SPRED1: variants seen among roughly 807,000 people sequenced by gnomAD.
SPRED1 encodes sprouty-related, EVH1 domain-containing protein 1.
A neutral mutation model predicts 52.3 loss-of-function variants in SPRED1; 18 were observed. That is an observed-to-expected ratio of 0.34 (90% CI 0.24 to 0.51). The LOEUF is 0.51. SPRED1 is among the 20% of genes least tolerant of loss of function. The pLI is 0.97. For synonymous variants in SPRED1, 155 were observed against 179.7 expected (o/e 0.86, Z 1.10); for missense variants, 485 against 551.0 (o/e 0.88, Z 1.20).
chr15:38,318,261 A>G (rs1895529683), intron 2 of SPRED1, among the ~76,000 whole-genome samples: 1 of 152,136 alleles, frequency 6.6e-6, no homozygotes, highest in Admixed American at 6.6e-5. Flanking sequence ...AGATAGACGT[A>G]AACAAGTTGA....
intron 4 of SPRED1, among the ~76,000 whole-genome samples, chr15:38,337,131 G>C (rs542549529): frequency 6.6e-6 from 1 of 152,088 alleles, no homozygotes; most frequent in African/African-American, 2.4e-5. Flanking sequence ...TTTCCAGAAA[G>C]AGTTGTTCCA....
chr15:38,343,513 CAG>C (rs1896069728), intron 5 of SPRED1, among the ~76,000 whole-genome samples: 1 of 152,088 alleles, frequency 6.6e-6, no homozygotes, highest in Admixed American at 6.6e-5. Context: ...GCTATTGAGA[CAG>C]AAAGTTAACG....
chr15:38,312,665 C>T (rs1042759448), intron 2 of SPRED1, among the ~76,000 whole-genome samples: 5 of 152,010 alleles, frequency 3.3e-5, no homozygotes, highest in African/African-American at 9.7e-5. Flanking sequence ...CATTCACTTT[C>T]GTTAATAGTT....
chr15:38,282,303 C>T (rs1595723569), intron 1 of SPRED1, among the ~76,000 whole-genome samples: 1 of 143,730 alleles, frequency 7.0e-6, no homozygotes, highest in Admixed American at 7.2e-5. Flanking sequence ...CCTGAAACCC[C>T]ATCTCTACTA....
At position 38,252,974 on chromosome 15, in the gene SPRED1, C is replaced by T. The variant is rs1894010534; in HGVS notation, c.-212C>T. On this transcript the variant is annotated 5_prime_UTR_variant, in exon 1 of 7. Coordinates refer to ENST00000299084, the MANE Select transcript of SPRED1 (RefSeq NM_152594.3). ...GGGGAAGAGGCTGGGGTCGCCACGG[C>T]GGAGGTTGCTGCCGCCACCCCCCTG... The T allele has an allele frequency of 5.0e-6, 3 of 602,294 alleles. No individual in the cohort carries two copies. The highest frequency in any genetic ancestry group is 8.8e-6 in the Non-Finnish European group (3 of 339,684). 37.3% of individuals were successfully genotyped at this position (602,294 alleles called of 1,614,324 possible). A position where few individuals can be genotyped will look rare whatever the true frequency, so the allele number is the denominator to read the frequency against.
intron 1 of SPRED1, 93 bp downstream of exon 1, chr15:38,253,310 G>C: frequency 2.3e-6 from 3 of 1,282,504 alleles, no homozygotes; most frequent in East Asian, 2.5e-5. Context: ...GTGCCGGAAA[G>C]CTTGCGACCC....
intron 1 of SPRED1, among the ~76,000 whole-genome samples, chr15:38,267,455 ATTC>A (rs1894333287): frequency 6.6e-6 from 1 of 152,196 alleles, no homozygotes; most frequent in Non-Finnish European, 1.5e-5. Flanking sequence ...GTTTTTTAAA[ATTC>A]TTAATATGAA....
In SPRED1 at chr15:38,351,095, C is replaced by T. The variant is rs1331443136; in HGVS notation, c.766C>T (p.Arg256Cys). The T allele has an allele frequency of 3.1e-6, 5 of 1,613,920 alleles. No homozygotes were observed. The highest frequency in any genetic ancestry group is 1.1e-5 in the South Asian group (1 of 91,074). Residue 256 changes from arginine (R) to cysteine (C), a missense_variant, in exon 7 of 7, where the codon CGT becomes TGT. Physicochemically the swap from Arg to Cys is radical, Grantham distance 180. Transcript: ENST00000299084. ...VRINPRDILI[R>C]RYADYRHPDM... The stretch of plus-strand genomic sequence containing the variant: ...AATAAACCCTCGAGATATCTTAATA[C>T]GTCGCTATGCAGACTACAGACATCC...
intron 1 of SPRED1, among the ~76,000 whole-genome samples, chr15:38,258,515 T>C (rs1894145660): frequency 6.6e-6 from 1 of 151,886 alleles, no homozygotes; most frequent in Admixed American, 6.6e-5. Context: ...ACTTTTCCCT[T>C]GAGATAGTCT....
rs147547509 is a variant in SPRED1 at position 38,352,241 on chromosome 15, G to GATATATATATAT, written c.*584_*595dup. 14 of 148,580 alleles carry GATATATATATAT rather than the reference G, an allele frequency of 9.4e-5. No individual in the cohort carries two copies. The highest frequency in any genetic ancestry group is 8.1e-4 in the Admixed American group (12 of 14,896). 9.2% of individuals were successfully genotyped at this position (148,580 alleles called of 1,614,324 possible). A position where few individuals can be genotyped will look rare whatever the true frequency, so the allele number is the denominator to read the frequency against. On this transcript the variant is annotated 3_prime_UTR_variant, in exon 7 of 7. Transcript: ENST00000299084. ...TCTTCCCCTTCCTAGTTCTGAAGTA[G>GATATATATATAT]ATATATATATATATATATCTACTGT...
chr15:38,268,985 G>A (rs1309596091), intron 1 of SPRED1, among the ~76,000 whole-genome samples: 2 of 150,162 alleles, frequency 1.3e-5, no homozygotes, highest in Non-Finnish European at 3.0e-5. Flanking sequence ...CCGTCGCCTA[G>A]GCTGGAGTGC....
rs1021410087 is a variant in SPRED1, at chr15:38,253,181, G to A, written c.-5G>A. The A allele has an allele frequency of 3.8e-6, 6 of 1,579,068 alleles. No individual in the cohort carries two copies. In the African/African-American group the frequency reaches 6.7e-5, roughly 18 times the overall value. Reference sequence around the variant, plus strand: ...ATCTCCAGATCGGATCACGGTGAGGGAAAGATGAGCGAGGAGACGGCGACT... The same window carrying A: ...ATCTCCAGATCGGATCACGGTGAGGAAAAGATGAGCGAGGAGACGGCGACT... On this transcript the variant is annotated 5_prime_UTR_variant, in exon 1 of 7. Transcript: ENST00000299084.
chr15:38,282,933 T>A (rs904001175), intron 1 of SPRED1, among the ~76,000 whole-genome samples: 4 of 152,098 alleles, frequency 2.6e-5, no homozygotes, highest in Non-Finnish European at 5.9e-5. Flanking sequence ...TAGTATTGCT[T>A]ATAGTTAAAA....
chr15:38,316,470 G>A (rs1261991251), intron 2 of SPRED1, among the ~76,000 whole-genome samples: 1 of 151,916 alleles, frequency 6.6e-6, no homozygotes, highest in Non-Finnish European at 1.5e-5. Flanking sequence ...AAAGAATTTA[G>A]ACTTGTATGT....
chr15:38,274,483 CTT>C (rs1272519771), intron 1 of SPRED1, among the ~76,000 whole-genome samples: 3 of 152,212 alleles, frequency 2.0e-5, no homozygotes, highest in Non-Finnish European at 4.4e-5. Context: ...TTTATTCTCA[CTT>C]TGAAATAATT....
intron 4 of SPRED1, among the ~76,000 whole-genome samples, chr15:38,328,251 A>T (rs1377788005): frequency 6.6e-6 from 1 of 152,236 alleles, no homozygotes; most frequent in East Asian, 1.9e-4. Flanking sequence ...AAAAGTAATG[A>T]TAATGTTATA....
chr15:38,334,823 A>ATG (rs899258997), intron 4 of SPRED1, among the ~76,000 whole-genome samples: 16 of 150,052 alleles, frequency 1.1e-4, no homozygotes, highest in Non-Finnish European at 1.6e-4. Context: ...GTGATTGTGT[A>ATG]TGTGTGTGTG....
At chr15:38,297,686 C>T (rs545596407) in intron 1 of SPRED1, among the ~76,000 whole-genome samples, 1 of 7,154 alleles carries the variant, frequency 1.4e-4, no homozygotes, top group East Asian at 0.17. Context: ...AATTATTTCC[C>T]AGATCCTGAT....
At chr15:38,303,018 A>G (rs1167618329) in intron 2 of SPRED1, among the ~76,000 whole-genome samples, 1 of 151,808 alleles carries the variant, frequency 6.6e-6, no homozygotes, top group Non-Finnish European at 1.5e-5. Flanking sequence ...AAAACAAACA[A>G]CAACAACAAA....
Sources: allele counts gnomAD v4.1 joint callset (sites outside exome capture counted in the v4.1 genomes callset), GRCh38; gene constraint gnomAD v4.1.1; transcripts MANE v1.5; gene names NCBI Gene and HGNC (gene_info 2026-07-23, HGNC 2026-07-21).